The following TAFA2 variants were observed in gnomAD, a reference collection of about 807,000 sequenced individuals.
TAFA2 encodes TAFA chemokine like family member 2.
TAFA2 carries 7 observed loss-of-function variants against 18.8 expected under a neutral mutation model. The observed-to-expected ratio is 0.37, with a 90% confidence interval of 0.21 to 0.70. TAFA2 has a LOEUF of 0.70. Ranked by LOEUF, TAFA2 falls within the 30% of genes least tolerant of loss-of-function variation. The pLI is 0.53. For missense variants in TAFA2, 122 were observed against 158.1 expected (o/e 0.77, Z 1.23); for synonymous variants, 60 against 54.2 (o/e 1.11, Z -0.47).
chr12:61,765,027 T>C (rs1384581116), intron 2 of TAFA2, among the ~76,000 whole-genome samples: 4 of 152,126 alleles, frequency 2.6e-5, no homozygotes, highest in African/African-American at 9.6e-5. Flanking sequence ...GTCCCAGCTT[T>C]AGAAGAAAGT....
At chr12:62,142,305 C>T (rs74667925) in intron 1 of TAFA2, among the ~76,000 whole-genome samples, 3,778 of 152,136 alleles carry the variant, frequency 0.025, 150 homozygotes, top group African/African-American at 0.085. Context: ...GTTGAATAAA[C>T]GAAAGTCATA....
chr12:61,748,997 C>G (rs12829322), intron 4 of TAFA2, among the ~76,000 whole-genome samples: 56,779 of 151,486 alleles, frequency 0.37, 10,839 homozygotes, highest in African/African-American at 0.46. Context: ...TGGGTGTGGT[C>G]GCTCACACCT....
chr12:61,848,754 GTAT>G (rs1215471832), intron 2 of TAFA2, among the ~76,000 whole-genome samples: 1 of 149,224 alleles, frequency 6.7e-6, no homozygotes, highest in Non-Finnish European at 1.5e-5. Context: ...ATTTATAATA[GTAT>G]TATCAGTAAA....
chr12:61,951,213 G>C (rs907451526), intron 1 of TAFA2, among the ~76,000 whole-genome samples: 8 of 152,154 alleles, frequency 5.3e-5, no homozygotes, highest in African/African-American at 1.9e-4. Flanking sequence ...CTCACACGTG[G>C]ATTTTTCCCC....
Position 61,755,002 on chromosome 12 carries a change from A to G in TAFA2, c.129T>C (p.Thr43=), listed in dbSNP as rs1422875112. 6.2e-7 allele frequency: 1 copy of G among 1,612,810 alleles called. No homozygotes were observed. The highest frequency in any genetic ancestry group is 2.2e-5 in the East Asian group (1 of 44,706). ...HHKAHHVKTG[T]CEVVALHRCC... ...ATCTGTGGAGTGCCACCACCTCACA[A>G]GTTCCCGTTTTAACATGGTGAGCTG... The change falls in exon 3 of 5, where the codon ACT becomes ACC. Residue 43 remains threonine (T), a synonymous_variant. Transcript: ENST00000416284.
chr12:61,718,832 C>T (rs1299989313), intron 4 of TAFA2, among the ~76,000 whole-genome samples: 2 of 152,110 alleles, frequency 1.3e-5, no homozygotes, highest in African/African-American at 4.8e-5. Context: ...AAGTTTCAAT[C>T]TGGTCAAGAA....
rs531269874 is a variant in TAFA2, at chr12:62,086,161, A to T, written c.-2+105098T>A. On this transcript the variant is annotated intron_variant, in intron 1 of 4. Transcript: ENST00000416284. The stretch of plus-strand genomic sequence containing the variant: ...TAGCATTATGAGAACGGACTAAGAC[A>T]GTCTCAAAAAAACAAAACAAAACAA... 2.6e-3 allele frequency among the ~76,000 whole-genome samples: 392 copies of T among 150,980 alleles called. 1 individual carries two copies. The highest frequency in any genetic ancestry group is 8.8e-3 in the African/African-American group (357 of 40,664).
At chr12:61,929,824 C>A (rs866135401) in intron 1 of TAFA2, among the ~76,000 whole-genome samples, 2 of 151,958 alleles carry the variant, frequency 1.3e-5, no homozygotes, top group African/African-American at 2.4e-5. Flanking sequence ...ACTATGCAGC[C>A]ATAAAAAAGG....
chr12:62,010,056 A>T (rs1181262363), intron 1 of TAFA2, among the ~76,000 whole-genome samples: 1 of 152,200 alleles, frequency 6.6e-6, no homozygotes, highest in Non-Finnish European at 1.5e-5. Context: ...ATTCTCCATT[A>T]GCTTTTACAT....
At chr12:62,064,358 T>C (rs1022627357) in intron 1 of TAFA2, among the ~76,000 whole-genome samples, 3 of 152,106 alleles carry the variant, frequency 2.0e-5, no homozygotes, top group Non-Finnish European at 2.9e-5. Context: ...AAACCTGTAG[T>C]TGCCATTCCA....
intron 1 of TAFA2, among the ~76,000 whole-genome samples, chr12:62,033,986 T>C (rs1881532644): frequency 6.6e-6 from 1 of 152,228 alleles, no homozygotes; most frequent in South Asian, 2.1e-4. Context: ...CTTGGCAATT[T>C]CATGTGGTTC....
intron 1 of TAFA2, among the ~76,000 whole-genome samples, chr12:62,183,557 T>C (rs2062565326): frequency 6.6e-6 from 1 of 152,120 alleles, no homozygotes. Context: ...CTGATTTTTG[T>C]ATTTTCTTGC....
chr12:62,101,816 CA>C (rs1470101963), intron 1 of TAFA2, among the ~76,000 whole-genome samples: 1 of 152,030 alleles, frequency 6.6e-6, no homozygotes, highest in African/African-American at 2.4e-5. Flanking sequence ...TAGCACTAGC[CA>C]ATGGTATATT....
chr12:62,008,595 A>T (rs1032516854), intron 1 of TAFA2, among the ~76,000 whole-genome samples: 3 of 152,178 alleles, frequency 2.0e-5, no homozygotes, highest in Non-Finnish European at 4.4e-5. Flanking sequence ...ATTCTATTTA[A>T]AATATTACTA....
At chr12:61,910,637 C>A (rs1323533713) in intron 1 of TAFA2, among the ~76,000 whole-genome samples, 1 of 152,152 alleles carries the variant, frequency 6.6e-6, no homozygotes, top group Non-Finnish European at 1.5e-5. Flanking sequence ...CCATGAGAAA[C>A]CTTAAGTGAC....
At chr12:61,979,912 C>A (rs1008311479) in intron 1 of TAFA2, among the ~76,000 whole-genome samples, 1 of 151,968 alleles carries the variant, frequency 6.6e-6, no homozygotes, top group African/African-American at 2.4e-5. Flanking sequence ...AATTAACCAC[C>A]CTCTTTGTCC....
At chr12:62,080,005 G>A (rs1868295313) in intron 1 of TAFA2, among the ~76,000 whole-genome samples, 1 of 152,170 alleles carries the variant, frequency 6.6e-6, no homozygotes, top group Non-Finnish European at 1.5e-5. Context: ...AAATCAAGGG[G>A]TCAGCCAGGC....
chr12:61,947,648 C>T (rs866463814), intron 1 of TAFA2, among the ~76,000 whole-genome samples: 1 of 152,060 alleles, frequency 6.6e-6, no homozygotes, highest in African/African-American at 2.4e-5. Flanking sequence ...TTCTACCCAT[C>T]CTTTCAAAGT....
At chr12:62,033,905 T>C (rs1015511540) in intron 1 of TAFA2, among the ~76,000 whole-genome samples, 1 of 152,176 alleles carries the variant, frequency 6.6e-6, no homozygotes, top group Admixed American at 6.5e-5. Flanking sequence ...AAAAAATGAA[T>C]ACAAAGTTTG....
Sources: gnomAD v4.1 joint callset for allele counts (sites outside exome capture counted in the v4.1 genomes callset) on GRCh38, gnomAD v4.1.1 for gene constraint, MANE v1.5 for transcripts, NCBI Gene and HGNC (gene_info 2026-07-23, HGNC 2026-07-21) for gene names.